The following CNTNAP2 variants were observed in gnomAD, a reference collection of about 807,000 sequenced individuals.
The protein encoded by CNTNAP2 is contactin associated protein 2, also known as contactin-associated protein-like 2.
Under a neutral mutation model 155.2 loss-of-function variants are expected in CNTNAP2, and 98 were observed. The observed-to-expected ratio is 0.63, with a 90% CI of 0.54 to 0.75. The LOEUF is 0.75. Ranked by LOEUF, CNTNAP2 falls within the 30% of genes least tolerant of loss-of-function variation. The pLI is 0.00. For missense variants in CNTNAP2, 1,727 were observed against 1,688.1 expected, an observed-to-expected ratio of 1.02 and a Z score of -0.40; for synonymous variants, 651 against 631.2, an observed-to-expected ratio of 1.03 and a Z score of -0.47.
intron 8 of CNTNAP2, among the ~76,000 whole-genome samples, chr7:147,173,284 C>CTT (rs554520966): frequency 2.7e-5 from 4 of 147,704 alleles, no homozygotes; most frequent in South Asian, 2.1e-4. Context: ...CCAAGTCCTA[C>CTT]TTTTTTTTTT....
At chr7:146,744,338 C>T (rs2129181473) in intron 1 of CNTNAP2, among the ~76,000 whole-genome samples, 1 of 150,874 alleles carries the variant, frequency 6.6e-6, no homozygotes, top group East Asian at 2.0e-4. Context: ...TGTATAGAAG[C>T]TACCATCAAA....
intron 20 of CNTNAP2, among the ~76,000 whole-genome samples, chr7:148,239,475 A>G (rs986515432): frequency 6.6e-6 from 1 of 152,066 alleles, no homozygotes; most frequent in Non-Finnish European, 1.5e-5. Flanking sequence ...GTCAGAATTC[A>G]TTTTTTCTTC....
intron 20 of CNTNAP2, among the ~76,000 whole-genome samples, chr7:148,241,671 A>G (rs746394168): frequency 1.3e-5 from 2 of 152,212 alleles, no homozygotes; most frequent in Non-Finnish European, 2.9e-5. Context: ...ATTTTTTACT[A>G]CAGAGATTCA....
chr7:147,635,198 A>ATATATATATATATATATATG (rs1554415300), intron 12 of CNTNAP2, among the ~76,000 whole-genome samples: 1,690 of 149,030 alleles, frequency 0.011, 51 homozygotes, highest in African/African-American at 0.04. Context: ...ATATATATAT[A>ATATATATATATATATATATG]TATGTTTAAT....
chr7:148,358,462 G>C (rs1374640348), intron 21 of CNTNAP2, among the ~76,000 whole-genome samples: 1 of 152,160 alleles, frequency 6.6e-6, no homozygotes, highest in Non-Finnish European at 1.5e-5. Context: ...GCATGAGAAG[G>C]GATGGCTTTT....
intron 8 of CNTNAP2, among the ~76,000 whole-genome samples, chr7:147,174,764 A>G (rs1030901411): frequency 5.9e-5 from 9 of 152,178 alleles, no homozygotes; most frequent in Non-Finnish European, 1.2e-4. Context: ...AGAGAATATG[A>G]TAATTAATAT....
chr7:146,370,911 ATTG>A (rs1795225036), intron 1 of CNTNAP2, among the ~76,000 whole-genome samples: 1 of 152,160 alleles, frequency 6.6e-6, no homozygotes, highest in Non-Finnish European at 1.5e-5. Flanking sequence ...TATCAAATTT[ATTG>A]TTAATTTAAA....
At chr7:148,379,638 G>A (rs559506226) in intron 21 of CNTNAP2, among the ~76,000 whole-genome samples, 3 of 152,302 alleles carry the variant, frequency 2.0e-5, no homozygotes, top group East Asian at 3.9e-4. Flanking sequence ...GCTTGAGCCC[G>A]GGAGGTTGAG....
chr7:147,807,947 T>A (rs1348055917), intron 13 of CNTNAP2, among the ~76,000 whole-genome samples: 1 of 152,166 alleles, frequency 6.6e-6, no homozygotes, highest in Non-Finnish European at 1.5e-5. Flanking sequence ...CAAAAAATGT[T>A]TGAGATTCAT....
At chr7:146,586,847 T>C (rs1798700040) in intron 1 of CNTNAP2, among the ~76,000 whole-genome samples, 1 of 152,174 alleles carries the variant, frequency 6.6e-6, no homozygotes, top group Admixed American at 6.5e-5. Context: ...TGTTAATGAG[T>C]GTGCACTGTT....
At chr7:146,860,759 A>G in intron 3 of CNTNAP2, among the ~76,000 whole-genome samples, 1 of 152,124 alleles carries the variant, frequency 6.6e-6, no homozygotes, top group East Asian at 1.9e-4. Context: ...GAAAAAAAAA[A>G]CGCATTATTG....
intron 9 of CNTNAP2, among the ~76,000 whole-genome samples, chr7:147,391,936 T>C (rs184134465): frequency 5.6e-4 from 86 of 152,256 alleles, no homozygotes; most frequent in African/African-American, 1.9e-3. Flanking sequence ...GGCTTCTTCA[T>C]TTGTAATAGT....
chr7:147,328,418 G>A (rs1795499258), intron 9 of CNTNAP2, among the ~76,000 whole-genome samples: 2 of 152,150 alleles, frequency 1.3e-5, no homozygotes, highest in South Asian at 4.1e-4. Flanking sequence ...GTCATCCAGG[G>A]TCAATAAAAG....
At chr7:147,264,671 A>G (rs1007393047) in intron 8 of CNTNAP2, among the ~76,000 whole-genome samples, 3 of 151,058 alleles carry the variant, frequency 2.0e-5, no homozygotes, top group African/African-American at 7.3e-5. Flanking sequence ...TCAGAACCCT[A>G]CAGCTGTTAA....
At chr7:146,983,514 T>C (rs2129237297) in intron 3 of CNTNAP2, among the ~76,000 whole-genome samples, 1 of 152,312 alleles carries the variant, frequency 6.6e-6, no homozygotes, top group East Asian at 1.9e-4. Context: ...GATGCCTCCC[T>C]TGCCCCATCG....
intron 11 of CNTNAP2, among the ~76,000 whole-genome samples, chr7:147,551,217 T>A (rs1273288667): frequency 6.6e-6 from 1 of 152,192 alleles, no homozygotes; most frequent in Non-Finnish European, 1.5e-5. Flanking sequence ...AATAAATTGT[T>A]TTTCTTCTCA....
At chr7:148,292,215 T>C (rs1490351956) in intron 21 of CNTNAP2, among the ~76,000 whole-genome samples, 2 of 152,236 alleles carry the variant, frequency 1.3e-5, no homozygotes, top group Non-Finnish European at 2.9e-5. Context: ...TTTTCTCTCT[T>C]CTTGCCCAGG....
intron 8 of CNTNAP2, among the ~76,000 whole-genome samples, chr7:147,279,548 T>C (rs1804981727): frequency 1.3e-5 from 2 of 151,806 alleles, no homozygotes; most frequent in African/African-American, 4.8e-5. Flanking sequence ...TTCAGTATCA[T>C]CTCATTGTCT....
chr7:147,687,800 T>G (rs915989360), intron 13 of CNTNAP2, among the ~76,000 whole-genome samples: 3 of 152,054 alleles, frequency 2.0e-5, no homozygotes, highest in Non-Finnish European at 2.9e-5. Flanking sequence ...ACACTGTAAG[T>G]TCTAATGCTG....
Sources: allele counts gnomAD v4.1 joint callset (sites outside exome capture counted in the v4.1 genomes callset), GRCh38; gene constraint gnomAD v4.1.1; transcripts MANE v1.5; gene names NCBI Gene and HGNC (gene_info 2026-07-23, HGNC 2026-07-21).